GOLM2: variants seen among roughly 807,000 people sequenced by gnomAD.
The protein encoded by GOLM2 is protein GOLM2.
GOLM2 carries 26 observed loss-of-function variants against 55.9 expected under a neutral mutation model. The ratio of observed to expected loss-of-function variants is 0.47; its 90% CI spans 0.34 to 0.65. The LOEUF (loss-of-function observed/expected upper bound fraction) is 0.65, where lower values mean the gene tolerates loss of function less well. GOLM2 is among the 30% of genes least tolerant of loss of function. The probability of loss-of-function intolerance (pLI) is 0.01; values close to 1 mark genes in which losing one functional copy is unlikely to be tolerated. For missense variants in GOLM2, 486 were observed against 531.8 expected, an observed-to-expected ratio of 0.91 and a Z score of 0.85; for synonymous variants, 165 against 194.6, an observed-to-expected ratio of 0.85 and a Z score of 1.27.
intron 1 of GOLM2, among the ~76,000 whole-genome samples, chr15:44,297,674 G>C (rs1451378243): frequency 1.3e-5 from 2 of 150,762 alleles, no homozygotes; most frequent in East Asian, 3.9e-4. Context: ...CCATTCTCCT[G>C]CCTCAGCCTC....
intron 3 of GOLM2, 91 bp from the exon 4 acceptor site, chr15:44,331,895 GTT>G (rs2079024360): frequency 2.3e-6 from 2 of 856,858 alleles, no homozygotes; most frequent in South Asian, 2.9e-5. Flanking sequence ...CTAACTGAGT[GTT>G]TTATCTTTCT....
chr15:44,336,659 G>A (rs982224771), intron 4 of GOLM2, among the ~76,000 whole-genome samples: 1 of 151,820 alleles, frequency 6.6e-6, no homozygotes, highest in African/African-American at 2.4e-5. Context: ...GCTCACGCCT[G>A]TAATCCCAGC....
chr15:44,358,253 C>A (rs1206249276), intron 6 of GOLM2, among the ~76,000 whole-genome samples: 2 of 152,160 alleles, frequency 1.3e-5, no homozygotes, highest in Non-Finnish European at 2.9e-5. Flanking sequence ...ACTCAGAAGG[C>A]TAAGGCATGA....
intron 8 of GOLM2, among the ~76,000 whole-genome samples, chr15:44,393,973 A>G (rs943712065): frequency 2.6e-5 from 4 of 152,258 alleles, no homozygotes; most frequent in Non-Finnish European, 5.9e-5. Context: ...GATTACAGGC[A>G]TGAGCCACCG....
intron 8 of GOLM2, among the ~76,000 whole-genome samples, chr15:44,398,395 T>C (rs1292938097): frequency 6.6e-6 from 1 of 152,184 alleles, no homozygotes; most frequent in Non-Finnish European, 1.5e-5. Context: ...AGCCTTAAAC[T>C]CCTAGGCTGA....
At chr15:44,292,178 T>C (rs1423964280) in intron 1 of GOLM2, among the ~76,000 whole-genome samples, 1 of 148,978 alleles carries the variant, frequency 6.7e-6, no homozygotes, top group East Asian at 2.0e-4. Flanking sequence ...TATATGTGTA[T>C]ACATACATAT....
intron 8 of GOLM2, among the ~76,000 whole-genome samples, chr15:44,381,805 T>C (rs1408064019): frequency 2.6e-5 from 4 of 152,088 alleles, no homozygotes; most frequent in African/African-American, 9.7e-5. Context: ...GTATTTTATT[T>C]TATTTCTTTA....
At chr15:44,385,294 GC>G (rs2079435593) in intron 8 of GOLM2, among the ~76,000 whole-genome samples, 1 of 151,672 alleles carries the variant, frequency 6.6e-6, no homozygotes, top group Non-Finnish European at 1.5e-5. Flanking sequence ...ATTCCCACCA[GC>G]AACGTATAAG....
intron 1 of GOLM2, among the ~76,000 whole-genome samples, chr15:44,302,046 T>C (rs1467713462): frequency 6.6e-6 from 1 of 152,122 alleles, no homozygotes. Context: ...GTGATAATAT[T>C]TGATGTTGCA....
chr15:44,361,838 A>T (rs2079242350), intron 6 of GOLM2, among the ~76,000 whole-genome samples: 1 of 152,200 alleles, frequency 6.6e-6, no homozygotes, highest in East Asian at 1.9e-4. Context: ...CAAAAAGCTT[A>T]TCCGCCATGA....
chr15:44,369,707 C>CAT (rs1467334679), intron 6 of GOLM2, among the ~76,000 whole-genome samples: 127 of 150,514 alleles, frequency 8.4e-4, no homozygotes, highest in Non-Finnish European at 7.2e-4. Flanking sequence ...CACACACACA[C>CAT]ACACACACAC....
intron 6 of GOLM2, among the ~76,000 whole-genome samples, chr15:44,339,527 C>T (rs1320999124): frequency 6.6e-6 from 1 of 151,634 alleles, no homozygotes; most frequent in East Asian, 2.0e-4. Context: ...TCAGTAGAGA[C>T]GAGGTTTCAC....
At chr15:44,368,863 G>T (rs1217880677) in intron 6 of GOLM2, among the ~76,000 whole-genome samples, 1 of 149,450 alleles carries the variant, frequency 6.7e-6, no homozygotes, top group Non-Finnish European at 1.5e-5. Flanking sequence ...GTCATTCTCT[G>T]CTTTTTTGTA....
chr15:44,310,621 T>A (rs2078869254), intron 1 of GOLM2, among the ~76,000 whole-genome samples: 1 of 151,774 alleles, frequency 6.6e-6, no homozygotes, highest in South Asian at 2.1e-4. Flanking sequence ...ATCAAACTCC[T>A]TTGATCCCAG....
chr15:44,313,391 A>G (rs1456722609), intron 1 of GOLM2, among the ~76,000 whole-genome samples: 1 of 151,962 alleles, frequency 6.6e-6, no homozygotes, highest in African/African-American at 2.4e-5. Flanking sequence ...CCAGCATTCT[A>G]TGTTCTTGGC....
At chr15:44,301,991 C>CA (rs375743124) in intron 1 of GOLM2, among the ~76,000 whole-genome samples, 1,548 of 144,280 alleles carry the variant, frequency 0.011, 30 homozygotes, top group African/African-American at 0.038. Context: ...GATCCTATCT[C>CA]AAAAAAAAAA....
At chr15:44,361,664 GA>G (rs1455934225) in intron 6 of GOLM2, among the ~76,000 whole-genome samples, 1 of 151,354 alleles carries the variant, frequency 6.6e-6, no homozygotes, top group Non-Finnish European at 1.5e-5. Flanking sequence ...CCAATCAATA[GA>G]AAAAGAGGGA....
intron 8 of GOLM2, among the ~76,000 whole-genome samples, chr15:44,384,601 G>T (rs1295434591): frequency 6.6e-6 from 1 of 152,164 alleles, no homozygotes; most frequent in Non-Finnish European, 1.5e-5. Flanking sequence ...AAAAAAATTA[G>T]CCGGGCGTGG....
chr15:44,296,473 A>T (rs1427355299), intron 1 of GOLM2, among the ~76,000 whole-genome samples: 1 of 152,268 alleles, frequency 6.6e-6, no homozygotes, highest in South Asian at 2.1e-4. Context: ...TTGAATGGGG[A>T]AAAGGTCATA....
Sources: gnomAD v4.1 joint callset for allele counts (sites outside exome capture counted in the v4.1 genomes callset) on GRCh38, gnomAD v4.1.1 for gene constraint, MANE v1.5 for transcripts, NCBI Gene and HGNC (gene_info 2026-07-23, HGNC 2026-07-21) for gene names.